PCSK2: variants seen among roughly 807,000 people sequenced by gnomAD.
The protein encoded by PCSK2 is proprotein convertase subtilisin/kexin type 2, also known as neuroendocrine convertase 2.
In PCSK2, 14 loss-of-function variants were observed where a neutral mutation model predicts 69.7. The ratio of observed to expected loss-of-function variants is 0.20; its 90% CI spans 0.13 to 0.31. The LOEUF (loss-of-function observed/expected upper bound fraction) is 0.31. Among genes scored for constraint, PCSK2 ranks in the 10% least tolerant of loss-of-function variants. The pLI is 1.00. For missense variants in PCSK2, 544 were observed against 842.5 expected, an observed-to-expected ratio of 0.65 and a Z score of 4.39; for synonymous variants, 307 against 320.7, an observed-to-expected ratio of 0.96 and a Z score of 0.46.
intron 2 of PCSK2, among the ~76,000 whole-genome samples, chr20:17,325,316 A>G (rs1001438793): frequency 3.3e-5 from 5 of 152,160 alleles, no homozygotes; most frequent in African/African-American, 7.2e-5. Context: ...AAGCAGCTCA[A>G]TTTTGGTTTT....
chr20:17,358,147 C>CA (rs142633283), intron 2 of PCSK2, among the ~76,000 whole-genome samples, 180 bp from the exon 3 acceptor site: 10,386 of 151,120 alleles, frequency 0.069, 382 homozygotes, highest in South Asian at 0.11. Flanking sequence ...CTAATCTCTA[C>CA]AAAAAAATAC....
intron 2 of PCSK2, among the ~76,000 whole-genome samples, chr20:17,261,816 T>A (rs1029564904): frequency 2.1e-4 from 32 of 152,258 alleles, no homozygotes; most frequent in African/African-American, 7.7e-4. Context: ...GCCATAACCT[T>A]GCCATTTATG....
chr20:17,306,102 T>C (rs1024226632), intron 2 of PCSK2, among the ~76,000 whole-genome samples: 1 of 152,168 alleles, frequency 6.6e-6, no homozygotes. Context: ...TAAAACACAA[T>C]TATATGGACA....
chr20:17,473,322 G>A (rs2033237742), intron 11 of PCSK2, among the ~76,000 whole-genome samples: 1 of 152,008 alleles, frequency 6.6e-6, no homozygotes, highest in African/African-American at 2.4e-5. Context: ...TTGAACTCCT[G>A]ACCTCGTGTT....
rs749441950 is a variant in PCSK2 at position 17,481,767 on chromosome 20, G to T, written c.1614G>T (p.Arg538=). ...PMGTKSILLS[R]RPRDDDSKVG... ...GCACCAAGTCCATTTTGCTGAGCCG[G>T]CGTCCAAGGGATGACGACTCCAAGG... The change falls in exon 12 of 12, where the codon CGG becomes CGT. Residue 538 remains arginine, a synonymous_variant. Coordinates refer to ENST00000262545, the MANE Select transcript of PCSK2 (RefSeq NM_002594.5). 2 of 1,614,028 alleles carry T rather than the reference G, an allele frequency of 1.2e-6. No individual in the cohort carries two copies. The highest frequency in any genetic ancestry group is 1.7e-6 in the Non-Finnish European group (2 of 1,180,026).
At chr20:17,479,722 G>A (rs1324775873) in intron 11 of PCSK2, among the ~76,000 whole-genome samples, 3 of 148,476 alleles carry the variant, frequency 2.0e-5, no homozygotes, top group Non-Finnish European at 4.4e-5. Context: ...GCGTGAACCC[G>A]GGAGGCGGAG....
At chr20:17,424,914 A>G (rs909471336) in intron 6 of PCSK2, among the ~76,000 whole-genome samples, 2 of 152,108 alleles carry the variant, frequency 1.3e-5, no homozygotes, top group Non-Finnish European at 2.9e-5. Flanking sequence ...CCTCCCGAGT[A>G]GCTAGAACTA....
intron 2 of PCSK2, among the ~76,000 whole-genome samples, chr20:17,278,265 G>A (rs927194516): frequency 2.6e-5 from 4 of 152,132 alleles, no homozygotes; most frequent in Non-Finnish European, 5.9e-5. Context: ...AAAGACACAT[G>A]CACACGTATG....
In PCSK2 at chr20:17,347,944, GAAA is replaced by G. The variant is rs1990720994; in HGVS notation, c.283-10382_283-10380del. On this transcript the variant is annotated intron_variant, in intron 2 of 11. Coordinates refer to ENST00000262545, the MANE Select transcript of PCSK2 (RefSeq NM_002594.5). Reference sequence around the variant, plus strand: ...AGGAGAGAGAAAAAAGAGAAAGAAAGAAAGAAAGAAAGAAAGAGAAAGAAAGAA... The same window carrying G: ...AGGAGAGAGAAAAAAGAGAAAGAAAGGAAAGAAAGAAAGAGAAAGAAAGAA... Among the ~76,000 whole-genome samples, 2 of 57,882 alleles carry G rather than the reference GAAA, an allele frequency of 3.5e-5. 1 individual carries two copies. The highest frequency in any genetic ancestry group is 7.6e-5 in the Non-Finnish European group (2 of 26,378). The allele number at this position is 57,882 out of a possible 152,430, so 38.0% of individuals were successfully genotyped here. A position where few individuals can be genotyped will look rare whatever the true frequency, so the allele number is the denominator to read the frequency against.
At chr20:17,318,337 C>T (rs541858692) in intron 2 of PCSK2, among the ~76,000 whole-genome samples, 3 of 152,156 alleles carry the variant, frequency 2.0e-5, no homozygotes, top group South Asian at 4.1e-4. Context: ...AGCATGTTAC[C>T]GGCTCCTGAT....
At chr20:17,253,157 T>C (rs1388273374) in intron 1 of PCSK2, among the ~76,000 whole-genome samples, 1 of 152,146 alleles carries the variant, frequency 6.6e-6, no homozygotes, top group Non-Finnish European at 1.5e-5. Context: ...ATACAAACAG[T>C]GATAATCACA....
intron 5 of PCSK2, among the ~76,000 whole-genome samples, chr20:17,396,918 G>A (rs2031524035): frequency 6.6e-6 from 1 of 152,174 alleles, no homozygotes; most frequent in African/African-American, 2.4e-5. Flanking sequence ...AATCCAACCA[G>A]GCTGGAACAA....
chr20:17,399,702 A>C (rs765398747), intron 5 of PCSK2, among the ~76,000 whole-genome samples: 9 of 152,192 alleles, frequency 5.9e-5, no homozygotes, highest in Non-Finnish European at 1.2e-4. Flanking sequence ...TTTAACATGA[A>C]AAGCAGGCAC....
chr20:17,255,008 T>C (rs984103730), intron 1 of PCSK2, among the ~76,000 whole-genome samples: 2 of 152,246 alleles, frequency 1.3e-5, no homozygotes, highest in African/African-American at 4.8e-5. Context: ...TGATTTTGCA[T>C]GTTAATCTTA....
chr20:17,369,397 TGCAC>T, intron 5 of PCSK2, 120 bp downstream of exon 5: 1 of 775,584 alleles, frequency 1.3e-6, no homozygotes, highest in Non-Finnish European at 2.3e-6. Flanking sequence ...TACAGGAGCA[TGCAC>T]ACACACACAC....
chr20:17,319,688 G>A (rs1015823796), intron 2 of PCSK2, among the ~76,000 whole-genome samples: 34 of 151,980 alleles, frequency 2.2e-4, no homozygotes, highest in Admixed American at 2.1e-3. Flanking sequence ...ACTGGGAGGG[G>A]GGTATAAATC....
chr20:17,383,260 A>G (rs756835198), intron 5 of PCSK2, among the ~76,000 whole-genome samples: 5 of 152,092 alleles, frequency 3.3e-5, no homozygotes, highest in Non-Finnish European at 7.4e-5. Flanking sequence ...TCTTTTTGCT[A>G]TGCTTCTCCT....
intron 2 of PCSK2, among the ~76,000 whole-genome samples, chr20:17,318,114 G>A (rs1989745768): frequency 6.6e-6 from 1 of 152,204 alleles, no homozygotes; most frequent in South Asian, 2.1e-4. Context: ...GATCTGCCAT[G>A]CAGGTTATAT....
chr20:17,473,956 C>T (rs1023190158), intron 11 of PCSK2, among the ~76,000 whole-genome samples: 6 of 152,086 alleles, frequency 3.9e-5, no homozygotes, highest in Non-Finnish European at 5.9e-5. Context: ...GCAGTCTCTC[C>T]GTGGTGCTAA....
Sources: allele counts gnomAD v4.1 joint callset (sites outside exome capture counted in the v4.1 genomes callset), GRCh38; gene constraint gnomAD v4.1.1; transcripts MANE v1.5; gene names NCBI Gene and HGNC (gene_info 2026-07-23, HGNC 2026-07-21).